Variants in PDE4D observed in about 807,000 individuals in gnomAD.
The protein encoded by PDE4D is phosphodiesterase 4D, also known as 3',5'-cyclic-AMP phosphodiesterase 4D.
Under a neutral mutation model 87.4 loss-of-function variants are expected in PDE4D, and 24 were observed. That is an observed-to-expected ratio of 0.27 (90% CI 0.20 to 0.39). The LOEUF (loss-of-function observed/expected upper bound fraction) is 0.39. Among genes scored for constraint, PDE4D ranks in the 10% least tolerant of loss-of-function variants. PDE4D has a pLI of 1.00. For missense variants in PDE4D, 714 were observed against 1,041.0 expected, an observed-to-expected ratio of 0.69 and a Z score of 4.32; for synonymous variants, 384 against 383.2, an observed-to-expected ratio of 1.00 and a Z score of -0.02.
intron 2 of PDE4D, among the ~76,000 whole-genome samples, chr5:60,067,186 A>G (rs1772199049): frequency 6.6e-6 from 1 of 152,078 alleles, no homozygotes; most frequent in Admixed American, 6.6e-5. Flanking sequence ...GCAGTTCTAT[A>G]TCTTTCATTG....
intron 1 of PDE4D, among the ~76,000 whole-genome samples, chr5:59,831,671 C>T (rs1337894409): frequency 6.6e-6 from 1 of 152,078 alleles, no homozygotes; most frequent in Non-Finnish European, 1.5e-5. Flanking sequence ...GATTCTACAG[C>T]TCTTGGATCT....
intron 2 of PDE4D, among the ~76,000 whole-genome samples, chr5:60,172,127 TA>T (rs1209775495): frequency 6.8e-6 from 1 of 146,976 alleles, no homozygotes; most frequent in African/African-American, 2.5e-5. Context: ...ATTATATATA[TA>T]ATATAATATA....
At chr5:59,609,468 T>C (rs575747218) in intron 1 of PDE4D, among the ~76,000 whole-genome samples, 2 of 151,810 alleles carry the variant, frequency 1.3e-5, no homozygotes, top group South Asian at 2.1e-4. Flanking sequence ...AAAAAAGATA[T>C]GTGAGCAGAA....
chr5:59,699,142 G>A (rs1472152835), intron 1 of PDE4D, among the ~76,000 whole-genome samples: 1 of 151,968 alleles, frequency 6.6e-6, no homozygotes, highest in African/African-American at 2.4e-5. Flanking sequence ...CTACAGCTGG[G>A]GAAATGTAAT....
At chr5:59,327,006 C>T (rs183986884) in intron 1 of PDE4D, among the ~76,000 whole-genome samples, 3 of 152,134 alleles carry the variant, frequency 2.0e-5, no homozygotes, top group Admixed American at 6.6e-5. Context: ...GGTAATTTTA[C>T]ACCTAACCAT....
At chr5:59,943,083 T>G (rs933056285) in intron 3 of PDE4D, among the ~76,000 whole-genome samples, 7 of 152,280 alleles carry the variant, frequency 4.6e-5, no homozygotes, top group African/African-American at 1.7e-4. Context: ...TTGTTTTGTT[T>G]GTTTTTAATG....
At chr5:59,391,526 A>G (rs1235049484) in intron 1 of PDE4D, among the ~76,000 whole-genome samples, 1 of 152,140 alleles carries the variant, frequency 6.6e-6, no homozygotes, top group Non-Finnish European at 1.5e-5. Context: ...CTTCTCACTG[A>G]TCTCTCTTTC....
intron 1 of PDE4D, among the ~76,000 whole-genome samples, chr5:60,233,610 C>T (rs1746074782): frequency 6.6e-6 from 1 of 151,068 alleles, no homozygotes; most frequent in Admixed American, 6.6e-5. Context: ...ATAGGAAGAT[C>T]AAACTCTTGA....
intron 3 of PDE4D, among the ~76,000 whole-genome samples, chr5:59,914,609 T>C (rs1403621714): frequency 6.9e-6 from 1 of 144,806 alleles, no homozygotes; most frequent in Non-Finnish European, 1.5e-5. Context: ...GGAAGAGGTT[T>C]TAACTTTGAT....
intron 1 of PDE4D, among the ~76,000 whole-genome samples, chr5:60,466,822 T>C (rs1189023598): frequency 2.0e-5 from 3 of 152,112 alleles, no homozygotes; most frequent in Non-Finnish European, 4.4e-5. Context: ...TTCTCAGTAG[T>C]TGATTTTGCC....
intron 7 of PDE4D, among the ~76,000 whole-genome samples, 155 bp downstream of exon 7, chr5:58,993,217 C>T (rs1033995005): frequency 3.3e-5 from 5 of 152,042 alleles, no homozygotes; most frequent in Non-Finnish European, 5.9e-5. Context: ...AACTCAGAGG[C>T]GGATAGTGTC....
chr5:59,483,741 C>T (rs561413312), intron 1 of PDE4D, among the ~76,000 whole-genome samples: 1 of 152,220 alleles, frequency 6.6e-6, no homozygotes, highest in East Asian at 1.9e-4. Context: ...GCTAAGGCTG[C>T]AACCTGCTAA....
At chr5:59,529,017 C>A in intron 1 of PDE4D, 1 of 470,994 alleles carries the variant, frequency 2.1e-6, no homozygotes, top group Non-Finnish European at 4.3e-6. Flanking sequence ...TTCAGTACAA[C>A]AACCAACTCT....
At chr5:59,447,372 A>G (rs1798499697) in intron 1 of PDE4D, among the ~76,000 whole-genome samples, 1 of 151,622 alleles carries the variant, frequency 6.6e-6, no homozygotes, top group Non-Finnish European at 1.5e-5. Context: ...ACACTCCCTC[A>G]TTTAGCTATT....
intron 5 of PDE4D, among the ~76,000 whole-genome samples, chr5:59,075,479 C>A (rs921678920): frequency 1.3e-5 from 2 of 150,126 alleles, no homozygotes; most frequent in Non-Finnish European, 3.0e-5. Flanking sequence ...TACTTCAAAT[C>A]ATTGGTATGC....
At chr5:60,414,866 T>C (rs548201920) in intron 1 of PDE4D, among the ~76,000 whole-genome samples, 3 of 152,338 alleles carry the variant, frequency 2.0e-5, no homozygotes, top group Admixed American at 2.0e-4. Flanking sequence ...AAGAAGCACC[T>C]ACCCGGACAA....
intron 1 of PDE4D, among the ~76,000 whole-genome samples, chr5:60,366,724 C>T (rs1017776546): frequency 6.6e-6 from 1 of 152,354 alleles, no homozygotes; most frequent in Non-Finnish European, 1.5e-5. Flanking sequence ...TCACCCCCTG[C>T]AGCCCAGCCA....
intron 1 of PDE4D, among the ~76,000 whole-genome samples, chr5:60,236,877 G>A (rs1397873884): frequency 6.6e-6 from 1 of 151,956 alleles, no homozygotes; most frequent in Non-Finnish European, 1.5e-5. Flanking sequence ...CCAACACTTT[G>A]ATTTCAGTCT....
chr5:60,275,793 T>C (rs933321090), intron 1 of PDE4D, among the ~76,000 whole-genome samples: 1 of 152,132 alleles, frequency 6.6e-6, no homozygotes, highest in African/African-American at 2.4e-5. Flanking sequence ...TTTCTTGGCA[T>C]GGCTTTAGTT....
Sources: allele counts gnomAD v4.1 joint callset (sites outside exome capture counted in the v4.1 genomes callset), GRCh38; gene constraint gnomAD v4.1.1; transcripts MANE v1.5; gene names NCBI Gene and HGNC (gene_info 2026-07-23, HGNC 2026-07-21).